GALNT13: variants seen among roughly 807,000 people sequenced by gnomAD.
GALNT13 encodes UDP-GalNAc:polypeptide N-acetylgalactosaminyltransferase 13.
A neutral mutation model predicts 64.2 loss-of-function variants in GALNT13; 28 were observed. That is an observed-to-expected ratio of 0.44 (90% CI 0.32 to 0.60). GALNT13 has a LOEUF of 0.60. GALNT13 is among the 20% of genes least tolerant of loss of function. The pLI is 0.05. For synonymous variants in GALNT13, 214 were observed against 224.6 expected (o/e 0.95, Z 0.42); for missense variants, 577 against 669.8 (o/e 0.86, Z 1.53).
chr2:153,915,329 C>T (rs1486087802), intron 2 of GALNT13, among the ~76,000 whole-genome samples: 1 of 152,108 alleles, frequency 6.6e-6, no homozygotes, highest in Non-Finnish European at 1.5e-5. Flanking sequence ...TCTCACTGGT[C>T]TCTACTCTGG....
intron 8 of GALNT13, among the ~76,000 whole-genome samples, chr2:154,265,876 G>T (rs1559056786): frequency 6.6e-6 from 1 of 152,070 alleles, no homozygotes; most frequent in Non-Finnish European, 1.5e-5. Context: ...AATAAAATTA[G>T]CAAATCAAGT....
intron 11 of GALNT13, among the ~76,000 whole-genome samples, chr2:154,415,941 G>C (rs11677858): frequency 0.11 from 16,834 of 152,106 alleles, 1,046 homozygotes; most frequent in South Asian, 0.16. Context: ...AAGTTAAATA[G>C]AATGGCCTAT....
the GALNT13 span, among the ~76,000 whole-genome samples, chr2:153,709,068 C>A: frequency 8.6e-5 from 13 of 151,922 alleles, no homozygotes; most frequent in Non-Finnish European, 1.8e-4. Flanking sequence ...TGACATTGGT[C>A]TGCGCAATAA....
chr2:154,445,960 TAA>T, intron 12 of GALNT13: 1 of 490,752 alleles, frequency 2.0e-6, no homozygotes. Context: ...AGAATTAGAT[TAA>T]GAGTTAATCT....
chr2:153,633,308 T>C, the GALNT13 span, among the ~76,000 whole-genome samples: 1 of 152,162 alleles, frequency 6.6e-6, no homozygotes, highest in South Asian at 2.1e-4. Context: ...CAGCTGAGGA[T>C]ATAAAGTATT....
the GALNT13 span, among the ~76,000 whole-genome samples, chr2:153,533,089 T>C: frequency 6.6e-6 from 1 of 152,214 alleles, no homozygotes; most frequent in African/African-American, 2.4e-5. Context: ...AAGTCAGATA[T>C]AATTCTTATT....
intron 10 of GALNT13, 144 bp downstream of exon 10, chr2:154,396,274 G>T (rs1699048297): frequency 4.3e-6 from 2 of 469,998 alleles, no homozygotes; most frequent in Non-Finnish European, 7.1e-6. Context: ...ATATTTCAAG[G>T]ACCATGAAGT....
the GALNT13 span, among the ~76,000 whole-genome samples, chr2:153,647,032 T>A: frequency 6.6e-6 from 1 of 152,176 alleles, no homozygotes; most frequent in East Asian, 1.9e-4. Context: ...CCCTGAGGAA[T>A]CGCCACACTG....
the GALNT13 span, among the ~76,000 whole-genome samples, chr2:153,282,114 T>C: frequency 6.6e-6 from 1 of 152,054 alleles, no homozygotes; most frequent in South Asian, 2.1e-4. Context: ...AAAAAAATCT[T>C]AAAAAATTTT....
Position 153,916,128 on chromosome 2 carries a change from G to GTTCCTTCC in GALNT13, c.-105+15140_-105+15147dup, listed in dbSNP as rs150452834. ...CCTTCCTTCCTCCCTTCCTTCCTTC[G>GTTCCTTCC]TTCCTTCCTTCCTTCCTTCCTTCCT... is the stretch of plus-strand genomic sequence containing the variant. On this transcript the variant is annotated intron_variant, in intron 2 of 12. Coordinates refer to ENST00000392825, the MANE Select transcript of GALNT13 (RefSeq NM_052917.4). Among the ~76,000 whole-genome samples the GTTCCTTCC allele has an allele frequency of 5.8e-3, 762 of 132,174 alleles. 6 individuals are homozygous for GTTCCTTCC. The highest frequency in any genetic ancestry group is 0.02 in the African/African-American group (701 of 35,870). The allele number at this position is 132,174 out of a possible 152,430, so 86.7% of individuals were successfully genotyped here. A position where few individuals can be genotyped will look rare whatever the true frequency, so the allele number is the denominator to read the frequency against.
At chr2:153,664,568 TTAAAG>T in the GALNT13 span, among the ~76,000 whole-genome samples, 3 of 152,104 alleles carry the variant, frequency 2.0e-5, no homozygotes, top group East Asian at 1.9e-4. Flanking sequence ...GATTAAGAGA[TTAAAG>T]TAAAGACAGG....
chr2:153,807,816 C>G, the GALNT13 span, among the ~76,000 whole-genome samples: 1 of 152,028 alleles, frequency 6.6e-6, no homozygotes. Flanking sequence ...ACTTTGTTTC[C>G]TTGTGCATTT....
chr2:154,259,437 C>G (rs1690569174), intron 8 of GALNT13, among the ~76,000 whole-genome samples: 2 of 152,104 alleles, frequency 1.3e-5, no homozygotes, highest in South Asian at 4.1e-4. Flanking sequence ...TAACGTGTTG[C>G]TCTATAAAAT....
intron 9 of GALNT13, among the ~76,000 whole-genome samples, chr2:154,366,303 A>G (rs945073436): frequency 2.0e-5 from 3 of 152,212 alleles, no homozygotes; most frequent in Admixed American, 6.5e-5. Context: ...TAAAATATAT[A>G]GTTTAGAAAA....
chr2:153,303,064 T>C, the GALNT13 span, among the ~76,000 whole-genome samples: 1 of 152,216 alleles, frequency 6.6e-6, no homozygotes, highest in Admixed American at 6.5e-5. Context: ...TTGTTTTATC[T>C]ATTTCTGTGA....
chr2:154,036,936 A>G (rs1698694789), intron 3 of GALNT13, among the ~76,000 whole-genome samples: 1 of 152,168 alleles, frequency 6.6e-6, no homozygotes, highest in Admixed American at 6.6e-5. Context: ...TGATCCTAAT[A>G]TGCAGTAAAA....
chr2:153,475,179 A>G, the GALNT13 span, among the ~76,000 whole-genome samples: 6 of 152,212 alleles, frequency 3.9e-5, 1 homozygote, highest in South Asian at 1.2e-3. Flanking sequence ...ACATTGCCTC[A>G]TCTATAAAAA....
chr2:153,845,088 C>T, the GALNT13 span, among the ~76,000 whole-genome samples: 3 of 152,174 alleles, frequency 2.0e-5, no homozygotes, highest in African/African-American at 7.2e-5. Context: ...CAAAGTCTTT[C>T]AACTTTGGCA....
At chr2:153,097,781 C>T in the GALNT13 span, among the ~76,000 whole-genome samples, 7 of 152,150 alleles carry the variant, frequency 4.6e-5, no homozygotes, top group East Asian at 1.4e-3. Flanking sequence ...ACATAACATA[C>T]AGTTTCCAGC....
Sources: gnomAD v4.1 joint callset for allele counts (sites outside exome capture counted in the v4.1 genomes callset) on GRCh38, gnomAD v4.1.1 for gene constraint, MANE v1.5 for transcripts, NCBI Gene and HGNC (gene_info 2026-07-23, HGNC 2026-07-21) for gene names.